MAST4: variants seen among roughly 807,000 people sequenced by gnomAD.
MAST4 encodes microtubule associated serine/threonine kinase family member 4.
A neutral mutation model predicts 162.7 loss-of-function variants in MAST4; 89 were observed. The observed-to-expected ratio is 0.55, with a 90% CI of 0.46 to 0.65. MAST4 has a LOEUF of 0.65. Among genes scored for constraint, MAST4 ranks in the 30% least tolerant of loss-of-function variants. The pLI is 0.00. For missense variants in MAST4, 3,153 were observed against 3,374.0 expected (o/e 0.93, Z 1.62); for synonymous variants, 1,479 against 1,361.1 (o/e 1.09, Z -1.91).
chr5:67,063,160 CT>C (rs112267391), intron 5 of MAST4, among the ~76,000 whole-genome samples: 3,213 of 145,922 alleles, frequency 0.022, 107 homozygotes, highest in African/African-American at 0.071. Context: ...GCTGTACTCA[CT>C]TTTTTTTTTT....
intron 4 of MAST4, among the ~76,000 whole-genome samples, chr5:66,953,737 T>G (rs1392099367): frequency 6.6e-6 from 1 of 152,206 alleles, no homozygotes; most frequent in Non-Finnish European, 1.5e-5. Context: ...CCGAGGGTCC[T>G]GCAGAAATTG....
chr5:66,663,478 T>C (rs1210149925), intron 1 of MAST4, among the ~76,000 whole-genome samples: 1 of 152,210 alleles, frequency 6.6e-6, no homozygotes, highest in Non-Finnish European at 1.5e-5. Context: ...TGCTGTCTTT[T>C]ACTGGTCAGT....
At chr5:67,122,136 T>C (rs1237613061) in intron 14 of MAST4, among the ~76,000 whole-genome samples, 1 of 152,208 alleles carries the variant, frequency 6.6e-6, no homozygotes, top group African/African-American at 2.4e-5. Context: ...AACTATGACC[T>C]GATCCATTTT....
intron 1 of MAST4, among the ~76,000 whole-genome samples, chr5:66,702,578 C>G (rs1200974911): frequency 1.3e-5 from 2 of 152,128 alleles, no homozygotes; most frequent in Non-Finnish European, 2.9e-5. Context: ...TGAAATGAGA[C>G]AGCCAACTTT....
intron 13 of MAST4, among the ~76,000 whole-genome samples, chr5:67,119,989 T>C (rs1432835428): frequency 6.6e-6 from 1 of 151,424 alleles, no homozygotes; most frequent in African/African-American, 2.4e-5. Flanking sequence ...ATTAAAAGAG[T>C]AATAGTGAGT....
intron 4 of MAST4, among the ~76,000 whole-genome samples, chr5:67,046,799 A>T (rs180808111): frequency 6.6e-6 from 1 of 151,812 alleles, no homozygotes. Flanking sequence ...ATTAGCCTAA[A>T]TTTTTTTTTG....
chr5:66,804,908 T>C (rs1756110256), intron 3 of MAST4, among the ~76,000 whole-genome samples: 1 of 152,340 alleles, frequency 6.6e-6, no homozygotes, highest in South Asian at 2.1e-4. Flanking sequence ...GTTTTTGCAT[T>C]CTATGTGGCA....
chr5:67,133,480 T>C (rs1769245257), intron 16 of MAST4, 34 bp from the exon 17 acceptor site: 11 of 1,608,064 alleles, frequency 6.8e-6, no homozygotes, highest in South Asian at 1.1e-5. Context: ...GCTTATAAAG[T>C]GATTATTGTG....
At chr5:66,923,828 C>T (rs954818422) in intron 4 of MAST4, among the ~76,000 whole-genome samples, 68 of 152,156 alleles carry the variant, frequency 4.5e-4, no homozygotes, top group Non-Finnish European at 1.8e-4. Flanking sequence ...GAAACCTGGC[C>T]TTGTACATAA....
rs1749932545 is a variant in MAST4 at position 66,703,746 on chromosome 5, G to T, written c.364-55963G>T. Among the ~76,000 whole-genome samples, 3 of 152,150 alleles carry T rather than the reference G, an allele frequency of 2.0e-5. No homozygotes were observed. In the South Asian group the frequency reaches 6.2e-4, roughly 32 times the overall value. ...TTTTGTTATTCTTAGGCATGTCCAA[G>T]GTTCGGAAATAGTCATTAAGCTAGT... On this transcript the variant is annotated intron_variant, in intron 1 of 28. Transcript: ENST00000403625.
intron 1 of MAST4, among the ~76,000 whole-genome samples, chr5:66,625,619 G>A (rs1744375100): frequency 1.3e-5 from 2 of 152,140 alleles, no homozygotes; most frequent in Admixed American, 1.3e-4. Flanking sequence ...AGGAAAAAGA[G>A]TCAAAACCAT....
chr5:66,936,462 G>C (rs1742761576), intron 4 of MAST4, among the ~76,000 whole-genome samples: 1 of 152,228 alleles, frequency 6.6e-6, no homozygotes, highest in Non-Finnish European at 1.5e-5. Context: ...AAGAGAGTCA[G>C]GGAAGGGAGA....
intron 3 of MAST4, among the ~76,000 whole-genome samples, chr5:66,859,609 A>G (rs1357464870): frequency 1.3e-5 from 2 of 152,234 alleles, no homozygotes; most frequent in East Asian, 3.8e-4. Flanking sequence ...TATCAAATTC[A>G]AAGGTAATTA....
At chr5:67,130,923 A>G (rs1452774484) in intron 15 of MAST4, among the ~76,000 whole-genome samples, 1 of 152,150 alleles carries the variant, frequency 6.6e-6, no homozygotes, top group Non-Finnish European at 1.5e-5. Context: ...TGCTCCAAGT[A>G]ATCTTATTTC....
intron 1 of MAST4, among the ~76,000 whole-genome samples, chr5:66,687,764 A>T (rs542717337): frequency 3.4e-4 from 52 of 152,210 alleles, no homozygotes; most frequent in African/African-American, 1.3e-3. Context: ...CAGTGCTGTG[A>T]TAAACGTAAC....
At chr5:67,093,787 C>G in intron 6 of MAST4, 1 of 369,718 alleles carries the variant, frequency 2.7e-6, no homozygotes. Context: ...GTCCCTCACT[C>G]TTTCCAGAGA....
chr5:66,767,231 A>G (rs1477860532), intron 2 of MAST4, among the ~76,000 whole-genome samples: 1 of 149,774 alleles, frequency 6.7e-6, no homozygotes, highest in Non-Finnish European at 1.5e-5. Flanking sequence ...CTAGGGAAAT[A>G]TGGTCCCTGC....
At chr5:66,742,137 A>G (rs1752509016) in intron 1 of MAST4, among the ~76,000 whole-genome samples, 1 of 152,142 alleles carries the variant, frequency 6.6e-6, no homozygotes, top group African/African-American at 2.4e-5. Context: ...GAGCTGGTCT[A>G]CCAGTGAGGT....
intron 4 of MAST4, among the ~76,000 whole-genome samples, chr5:67,017,644 C>T (rs1344288856): frequency 6.8e-6 from 1 of 147,536 alleles, no homozygotes; most frequent in African/African-American, 2.5e-5. Context: ...CACCCTGTCA[C>T]CCAGGCTGGA....
Sources: gnomAD v4.1 joint callset for allele counts (sites outside exome capture counted in the v4.1 genomes callset) on GRCh38, gnomAD v4.1.1 for gene constraint, MANE v1.5 for transcripts, NCBI Gene and HGNC (gene_info 2026-07-23, HGNC 2026-07-21) for gene names.